The following KCNH7 variants were observed in gnomAD, a reference collection of about 807,000 sequenced individuals.
KCNH7 encodes the protein voltage-gated inwardly rectifying potassium channel KCNH7.
In KCNH7, 49 loss-of-function variants were observed where a neutral mutation model predicts 120.8. That is an observed-to-expected ratio of 0.41 (90% CI 0.32 to 0.51). The LOEUF is 0.51. Ranked by LOEUF, KCNH7 falls within the 20% of genes least tolerant of loss-of-function variation. The probability of loss-of-function intolerance (pLI) is 0.38; values close to 1 mark genes in which losing one functional copy is unlikely to be tolerated. For synonymous variants in KCNH7, 547 were observed against 516.1 expected, an observed-to-expected ratio of 1.06 and a Z score of -0.81; for missense variants, 1,097 against 1,446.6, an observed-to-expected ratio of 0.76 and a Z score of 3.92.
chr2:162,511,480 CAAAAA>C (rs34204046), intron 5 of KCNH7, among the ~76,000 whole-genome samples: 3 of 96,002 alleles, frequency 3.1e-5, no homozygotes, highest in Admixed American at 1.1e-4. Flanking sequence ...GTGGACAGGT[CAAAAA>C]AAAAAAAAAA....
intron 2 of KCNH7, among the ~76,000 whole-genome samples, chr2:162,819,141 T>A (rs1685014643): frequency 6.6e-6 from 1 of 152,212 alleles, no homozygotes; most frequent in African/African-American, 2.4e-5. Context: ...GCTTTAATCC[T>A]GAACTGTTAA....
At chr2:162,397,038 C>G in intron 10 of KCNH7, 93 bp from the exon 11 acceptor site, 1 of 819,374 alleles carries the variant, frequency 1.2e-6, no homozygotes, top group Non-Finnish European at 1.9e-6. Flanking sequence ...AACAATTGAT[C>G]AATCCCTGAA....
chr2:162,624,765 T>C (rs1293847187), intron 2 of KCNH7, among the ~76,000 whole-genome samples: 1 of 151,858 alleles, frequency 6.6e-6, no homozygotes, highest in African/African-American at 2.4e-5. Context: ...TTTACCAATA[T>C]ATAAAGCTGT....
intron 2 of KCNH7, among the ~76,000 whole-genome samples, chr2:162,801,036 A>G (rs1307241596): frequency 6.6e-6 from 1 of 151,864 alleles, no homozygotes; most frequent in Non-Finnish European, 1.5e-5. Context: ...CATAAAATTC[A>G]TGTTTTTTAA....
intron 2 of KCNH7, among the ~76,000 whole-genome samples, chr2:162,718,509 G>A (rs1687213907): frequency 6.6e-6 from 1 of 151,976 alleles, no homozygotes; most frequent in South Asian, 2.1e-4. Flanking sequence ...AACATGGTAT[G>A]AACAAAGCAG....
intron 2 of KCNH7, among the ~76,000 whole-genome samples, chr2:162,697,998 T>C (rs1470457084): frequency 1.3e-5 from 2 of 152,162 alleles, no homozygotes; most frequent in African/African-American, 4.8e-5. Context: ...CTAAAATTAA[T>C]GCTGCCCCAC....
chr2:162,566,767 A>G (rs142876658), intron 2 of KCNH7, among the ~76,000 whole-genome samples: 80 of 152,158 alleles, frequency 5.3e-4, no homozygotes, highest in Admixed American at 1.9e-3. Context: ...AGAGATCAAG[A>G]TTTGTAAATA....
intron 2 of KCNH7, among the ~76,000 whole-genome samples, chr2:162,598,916 A>G (rs1392247155): frequency 3.3e-5 from 5 of 152,116 alleles, no homozygotes. Flanking sequence ...AAATATTATA[A>G]TTTCATAATA....
rs148438655 is a variant in KCNH7 at position 162,573,953 on chromosome 2, A to G, written c.308-36873T>C. On this transcript the variant is annotated intron_variant, in intron 2 of 15. Transcript: ENST00000332142. ...ACGGGTTGCTATAAAAATCACGAAT[A>G]TGTTATAAAAAGAACAGAATAAACA... is the stretch of plus-strand genomic sequence containing the variant. Among the ~76,000 whole-genome samples, 454 of 152,180 alleles carry G rather than the reference A, an allele frequency of 3.0e-3. 1 individual carries two copies. Among genetic ancestry groups the G allele is most frequent in the African/African-American group, 0.01 (430 of 41,556 alleles).
intron 12 of KCNH7, among the ~76,000 whole-genome samples, chr2:162,392,140 T>C (rs1686762890): frequency 6.6e-6 from 1 of 152,024 alleles, no homozygotes; most frequent in African/African-American, 2.4e-5. Flanking sequence ...AGTAAGTGCT[T>C]TGAGAATTCA....
At chr2:162,698,378 G>A (rs1372328050) in intron 2 of KCNH7, among the ~76,000 whole-genome samples, 4 of 150,804 alleles carry the variant, frequency 2.7e-5, no homozygotes, top group Non-Finnish European at 1.5e-5. Flanking sequence ...CTTTTCTCTG[G>A]GTCAGTGAAT....
intron 2 of KCNH7, among the ~76,000 whole-genome samples, chr2:162,697,616 TG>T (rs1456797033): frequency 6.6e-6 from 1 of 152,056 alleles, no homozygotes; most frequent in Non-Finnish European, 1.5e-5. Flanking sequence ...AAAGGGCTTC[TG>T]GGGCAAGTGA....
At chr2:162,774,915 A>G (rs186764283) in intron 2 of KCNH7, among the ~76,000 whole-genome samples, 1 of 152,288 alleles carries the variant, frequency 6.6e-6, no homozygotes, top group Admixed American at 6.5e-5. Flanking sequence ...ATAGTAGCAC[A>G]ATATTTTATA....
chr2:162,724,541 G>A (rs1030189670), intron 2 of KCNH7, among the ~76,000 whole-genome samples: 2 of 149,920 alleles, frequency 1.3e-5, no homozygotes, highest in Non-Finnish European at 3.0e-5. Context: ...GCGTAGTGGC[G>A]GGCGCCTGTA....
At chr2:162,778,651 G>GT (rs397716847) in intron 2 of KCNH7, among the ~76,000 whole-genome samples, 17 of 80,828 alleles carry the variant, frequency 2.1e-4, no homozygotes, top group African/African-American at 1.0e-3. Context: ...AATATCAAAA[G>GT]TATATTTTAT....
At chr2:162,547,068 CA>C (rs1692504892) in intron 2 of KCNH7, among the ~76,000 whole-genome samples, 1 of 152,086 alleles carries the variant, frequency 6.6e-6, no homozygotes, top group African/African-American at 2.4e-5. Flanking sequence ...AGGAAACTTA[CA>C]ATCTTGGTGG....
At chr2:162,653,742 C>A (rs954749711) in intron 2 of KCNH7, among the ~76,000 whole-genome samples, 22 of 152,148 alleles carry the variant, frequency 1.4e-4, no homozygotes, top group Admixed American at 4.6e-4. Flanking sequence ...TACTTGACTT[C>A]CAAATATACG....
chr2:162,526,226 A>G (rs1024267014), intron 3 of KCNH7, among the ~76,000 whole-genome samples: 5 of 151,906 alleles, frequency 3.3e-5, no homozygotes, highest in African/African-American at 7.2e-5. Context: ...ATGCTTCACA[A>G]GGTAATAAGA....
At chr2:162,415,951 T>C (rs12465533) in intron 9 of KCNH7, among the ~76,000 whole-genome samples, 3,145 of 152,278 alleles carry the variant, frequency 0.021, 219 homozygotes, top group Admixed American at 0.15. Flanking sequence ...GTTTGTCTTT[T>C]AGAAGTCCGG....
Sources: allele counts gnomAD v4.1 joint callset (sites outside exome capture counted in the v4.1 genomes callset), GRCh38; gene constraint gnomAD v4.1.1; transcripts MANE v1.5; gene names NCBI Gene and HGNC (gene_info 2026-07-23, HGNC 2026-07-21).